The following SPATS2L variants were observed in gnomAD, a reference collection of about 807,000 sequenced individuals.
SPATS2L encodes the protein SPATS2-like protein.
In SPATS2L, 30 loss-of-function variants were observed where a neutral mutation model predicts 59.6. That is an observed-to-expected ratio of 0.50 (90% CI 0.38 to 0.68). The LOEUF (loss-of-function observed/expected upper bound fraction) is 0.68. Ranked by LOEUF, SPATS2L falls within the 30% of genes least tolerant of loss-of-function variation. The probability of loss-of-function intolerance (pLI) is 0.00; values close to 1 mark genes in which losing one functional copy is unlikely to be tolerated. For synonymous variants in SPATS2L, 252 were observed against 263.5 expected (o/e 0.96, Z 0.42); for missense variants, 615 against 700.0 (o/e 0.88, Z 1.37).
chr2:200,457,565 C>T (rs996169524), intron 8 of SPATS2L, among the ~76,000 whole-genome samples: 2 of 152,334 alleles, frequency 1.3e-5, no homozygotes, highest in Non-Finnish European at 1.5e-5. Context: ...AAGGGACAGG[C>T]GTCCTGATAT....
intron 1 of SPATS2L, among the ~76,000 whole-genome samples, chr2:200,327,473 A>T (rs912707169): frequency 4.6e-5 from 7 of 152,144 alleles, no homozygotes; most frequent in Non-Finnish European, 1.0e-4. Flanking sequence ...TTGTAGTGGC[A>T]GATGGAATTT....
chr2:200,457,532 A>T (rs1313041187), intron 8 of SPATS2L, among the ~76,000 whole-genome samples: 1 of 152,224 alleles, frequency 6.6e-6, no homozygotes, highest in African/African-American at 2.4e-5. Flanking sequence ...ACACACTGAC[A>T]TACCTATGTA....
rs147174565 is a variant in SPATS2L at position 200,367,306 on chromosome 2, CATG to C, written c.-22-21911_-22-21909del. On this transcript the variant is annotated intron_variant, in intron 2 of 12. Transcript: ENST00000409140. Reference sequence around the variant, plus strand: ...CATGCCTTCTTGCTTATTTTGCAATCATGATGATCTCTGACCTGCTTACTCAGC... The same window carrying C: ...CATGCCTTCTTGCTTATTTTGCAATCATGATCTCTGACCTGCTTACTCAGC... 4.6e-3 allele frequency among the ~76,000 whole-genome samples: 698 copies of C among 152,244 alleles called. 7 individuals carry two copies. In the East Asian group the frequency reaches 0.051, roughly 11 times the overall value.
chr2:200,327,810 G>C (rs867305615), intron 1 of SPATS2L, among the ~76,000 whole-genome samples: 6 of 152,122 alleles, frequency 3.9e-5, no homozygotes, highest in Non-Finnish European at 8.8e-5. Context: ...TATAAAGTCA[G>C]TTGCATTTAT....
chr2:200,358,895 G>A (rs2081005975), intron 2 of SPATS2L, among the ~76,000 whole-genome samples: 1 of 152,028 alleles, frequency 6.6e-6, no homozygotes, highest in African/African-American at 2.4e-5. Flanking sequence ...GGCTGAAGGG[G>A]AGGATCCCTT....
At chr2:200,374,108 T>C (rs967168506) in intron 2 of SPATS2L, among the ~76,000 whole-genome samples, 8 of 152,222 alleles carry the variant, frequency 5.3e-5, no homozygotes, top group African/African-American at 1.9e-4. Context: ...GCTAATCTTA[T>C]CTCCCTGCAG....
chr2:200,375,401 G>T (rs1247709517), intron 2 of SPATS2L, among the ~76,000 whole-genome samples: 1 of 152,156 alleles, frequency 6.6e-6, no homozygotes, highest in Non-Finnish European at 1.5e-5. Flanking sequence ...AGGCTCTACA[G>T]TAAGAAGAAA....
intron 4 of SPATS2L, among the ~76,000 whole-genome samples, chr2:200,414,855 A>G (rs1443365034): frequency 1.3e-5 from 2 of 152,214 alleles, no homozygotes; most frequent in African/African-American, 2.4e-5. Flanking sequence ...CCAAATTACA[A>G]ATAGAATGTA....
chr2:200,368,082 G>A (rs1382267300), intron 2 of SPATS2L, among the ~76,000 whole-genome samples: 1 of 152,188 alleles, frequency 6.6e-6, no homozygotes, highest in Non-Finnish European at 1.5e-5. Context: ...GAAACAGAAG[G>A]GAAATGAGCT....
intron 1 of SPATS2L, among the ~76,000 whole-genome samples, chr2:200,310,948 A>G (rs1442142793): frequency 6.6e-6 from 1 of 152,114 alleles, no homozygotes; most frequent in Non-Finnish European, 1.5e-5. Context: ...GTTCCTCTAG[A>G]CCATCACATC....
chr2:200,428,360 T>C (rs1452016017), intron 6 of SPATS2L, among the ~76,000 whole-genome samples: 2 of 152,234 alleles, frequency 1.3e-5, no homozygotes, highest in African/African-American at 4.8e-5. Context: ...CTTAACTCTA[T>C]CGTTTCCCTG....
intron 11 of SPATS2L, among the ~76,000 whole-genome samples, chr2:200,470,606 G>A (rs1308236920): frequency 2.0e-5 from 3 of 152,192 alleles, no homozygotes; most frequent in Admixed American, 6.5e-5. Flanking sequence ...CCACCCACAA[G>A]GGGAGGTGGG....
intron 5 of SPATS2L, among the ~76,000 whole-genome samples, chr2:200,417,242 A>C (rs1340527035): frequency 6.6e-6 from 1 of 152,196 alleles, no homozygotes; most frequent in East Asian, 1.9e-4. Flanking sequence ...GTTCTGAACA[A>C]ACAATAACAC....
intron 6 of SPATS2L, 129 bp downstream of exon 6, chr2:200,419,625 C>A: frequency 9.6e-7 from 1 of 1,036,536 alleles, no homozygotes; most frequent in Non-Finnish European, 1.4e-6. Context: ...ACGATTCAGC[C>A]TTCCTGAAGC....
intron 2 of SPATS2L, among the ~76,000 whole-genome samples, chr2:200,330,748 A>G (rs1056302685): frequency 5.3e-5 from 8 of 152,240 alleles, no homozygotes; most frequent in African/African-American, 1.7e-4. Flanking sequence ...AGATGTACCA[A>G]TTGAAAACAA....
At chr2:200,458,427 C>T (rs1231626405) in intron 8 of SPATS2L, among the ~76,000 whole-genome samples, 2 of 151,914 alleles carry the variant, frequency 1.3e-5, no homozygotes, top group African/African-American at 2.4e-5. Flanking sequence ...CACATAATGA[C>T]ACAATACACT....
rs1211469844 is a variant in SPATS2L, at chr2:200,467,369, G to T, written c.927G>T (p.Met309Ile). The T allele has an allele frequency of 6.2e-7, 1 of 1,613,810 alleles. No homozygotes were observed. Among genetic ancestry groups the T allele is most frequent in the Non-Finnish European group, 8.5e-7 (1 of 1,179,794 alleles). ...LTDLASQMAE[M>I]QLAELRAEIK... ...ACCTTGCCAGTCAGATGGCAGAGAT[G>T]CAGCTGGCCGAACTCAGGGCAGAAA... The change falls in exon 10 of 13, where the codon ATG becomes ATT. Residue 309 changes from methionine to isoleucine, a missense_variant. Met to Ile is a conservative substitution (Grantham distance 10). Around this residue, in one of 3 missense-constraint regions of SPATS2L, gnomAD observed 104 missense variants for 162.5 expected, o/e 0.64. Transcript: ENST00000409140.
intron 8 of SPATS2L, among the ~76,000 whole-genome samples, chr2:200,452,464 CTG>C (rs1346776551): frequency 6.6e-6 from 1 of 152,154 alleles, no homozygotes; most frequent in Non-Finnish European, 1.5e-5. Context: ...TATACTAAAT[CTG>C]TGTGTCTCAT....
intron 1 of SPATS2L, among the ~76,000 whole-genome samples, chr2:200,313,640 C>T (rs576284978): frequency 8.6e-4 from 131 of 152,268 alleles, no homozygotes; most frequent in Non-Finnish European, 1.5e-3. Flanking sequence ...AAACGATGAA[C>T]GCTTTTGGTC....
Sources: gnomAD v4.1 joint callset for allele counts (sites outside exome capture counted in the v4.1 genomes callset) on GRCh38, gnomAD v4.1.1 for gene constraint, gnomAD v4.1.1 regional missense constraint, MANE v1.5 for transcripts, NCBI Gene and HGNC (gene_info 2026-07-23, HGNC 2026-07-21) for gene names.